The following CSMD1 variants were observed in gnomAD, a reference collection of about 807,000 sequenced individuals.
CSMD1 encodes the protein CUB and sushi domain-containing protein 1.
A neutral mutation model predicts 417.5 loss-of-function variants in CSMD1; 213 were observed. That is an observed-to-expected ratio of 0.51 (90% confidence interval 0.46 to 0.57). The LOEUF is 0.57. Ranked by LOEUF, CSMD1 falls within the 20% of genes least tolerant of loss-of-function variation. The pLI is 0.00. For synonymous variants in CSMD1, 2,862 were observed against 1,736.8 expected (o/e 1.65, Z -16.11); for missense variants, 6,923 against 4,529.7 (o/e 1.53, Z -15.17).
At chr8:4,753,442 CACACAT>C (rs758706285) in intron 1 of CSMD1, among the ~76,000 whole-genome samples, 12 of 146,006 alleles carry the variant, frequency 8.2e-5, no homozygotes, top group South Asian at 2.2e-4. Context: ...CACACACACA[CACACAT>C]GCGCACACAC....
intron 3 of CSMD1, among the ~76,000 whole-genome samples, chr8:4,345,878 G>A (rs1307612741): frequency 6.6e-6 from 1 of 152,140 alleles, no homozygotes; most frequent in Non-Finnish European, 1.5e-5. Context: ...CTGACAGGCA[G>A]ACAGGTGATG....
At chr8:3,537,476 G>C (rs181227829) in intron 10 of CSMD1, among the ~76,000 whole-genome samples, 1 of 152,300 alleles carries the variant, frequency 6.6e-6, no homozygotes, top group East Asian at 1.9e-4. Flanking sequence ...AATATGTAAA[G>C]TGATTTCCTC....
At chr8:4,057,348 T>C (rs1269139170) in intron 3 of CSMD1, among the ~76,000 whole-genome samples, 4 of 152,142 alleles carry the variant, frequency 2.6e-5, no homozygotes, top group African/African-American at 7.2e-5. Flanking sequence ...GAAGTGTCTG[T>C]TCATGTCCTT....
chr8:3,417,487 G>A (rs1405871319), intron 12 of CSMD1, among the ~76,000 whole-genome samples: 1 of 152,088 alleles, frequency 6.6e-6, no homozygotes, highest in Non-Finnish European at 1.5e-5. Flanking sequence ...TTTTTCTCAT[G>A]TGCTATTTGA....
At chr8:4,182,138 A>T (rs973328838) in intron 3 of CSMD1, among the ~76,000 whole-genome samples, 16 of 152,116 alleles carry the variant, frequency 1.1e-4, no homozygotes, top group African/African-American at 3.9e-4. Flanking sequence ...AGAAGACAGA[A>T]CTAAAAAAAC....
At chr8:4,387,872 C>G (rs990856111) in intron 3 of CSMD1, among the ~76,000 whole-genome samples, 2 of 152,046 alleles carry the variant, frequency 1.3e-5, no homozygotes, top group African/African-American at 4.8e-5. Flanking sequence ...TCTTTAATGT[C>G]CTTATTCCAA....
In CSMD1 at chr8:3,524,942, G is replaced by A. The variant is rs181860680; in HGVS notation, c.1345-31216C>T. On this transcript the variant is annotated intron_variant, in intron 10 of 69. Coordinates refer to ENST00000635120, the MANE Select transcript of CSMD1 (RefSeq NM_033225.6). Reference sequence around the variant, plus strand: ...GTATCATGAAATGTAAAAAAAAAATGTTTCTAAAAAGCACACTGTACACTC... The same window carrying A: ...GTATCATGAAATGTAAAAAAAAAATATTTCTAAAAAGCACACTGTACACTC... Among the ~76,000 whole-genome samples the A allele has an allele frequency of 2.3e-3, 340 of 150,826 alleles. 2 individuals carry two copies. The highest frequency in any genetic ancestry group is 8.2e-3 in the African/African-American group (332 of 40,278).
intron 3 of CSMD1, among the ~76,000 whole-genome samples, chr8:4,193,774 C>T (rs897184398): frequency 2.6e-5 from 4 of 152,110 alleles, no homozygotes; most frequent in African/African-American, 7.2e-5. Flanking sequence ...GTTATGGAAT[C>T]GGACAGGGAT....
chr8:3,124,853 C>T (rs1301103474), intron 41 of CSMD1, among the ~76,000 whole-genome samples: 2 of 152,196 alleles, frequency 1.3e-5, no homozygotes, highest in Admixed American at 6.5e-5. Context: ...ACCCATGGCT[C>T]ATTTCAGAAT....
intron 1 of CSMD1, among the ~76,000 whole-genome samples, chr8:4,887,429 G>C (rs1189785542): frequency 6.6e-6 from 1 of 151,862 alleles, no homozygotes; most frequent in African/African-American, 2.4e-5. Context: ...TGAGAACCGA[G>C]GTATATTAGA....
intron 3 of CSMD1, among the ~76,000 whole-genome samples, chr8:4,091,082 C>A (rs572654259): frequency 6.6e-6 from 1 of 151,980 alleles, no homozygotes; most frequent in African/African-American, 2.4e-5. Context: ...CAATGCCCAG[C>A]TAATTTTTGT....
intron 2 of CSMD1, among the ~76,000 whole-genome samples, chr8:4,505,639 A>G (rs1230621098): frequency 6.6e-6 from 1 of 152,110 alleles, no homozygotes; most frequent in Non-Finnish European, 1.5e-5. Flanking sequence ...TAACATGACC[A>G]AAACTTGCAG....
chr8:4,678,720 G>T (rs1318731428), intron 1 of CSMD1, among the ~76,000 whole-genome samples: 2 of 152,124 alleles, frequency 1.3e-5, no homozygotes, highest in African/African-American at 4.8e-5. Context: ...GGACCCTGTT[G>T]TTAAACACAT....
intron 4 of CSMD1, among the ~76,000 whole-genome samples, chr8:4,001,443 T>G (rs1048021034): frequency 2.0e-5 from 3 of 152,150 alleles, no homozygotes; most frequent in African/African-American, 7.2e-5. Flanking sequence ...GTAGTGGATA[T>G]GAGTTAACTG....
intron 2 of CSMD1, among the ~76,000 whole-genome samples, chr8:4,572,499 C>T (rs566056559): frequency 2.2e-4 from 33 of 152,314 alleles, no homozygotes; most frequent in Admixed American, 5.2e-4. Flanking sequence ...GTTAGTCTGA[C>T]GGGCTTGCCT....
intron 23 of CSMD1, among the ~76,000 whole-genome samples, chr8:3,318,456 T>C (rs1445689039): frequency 6.6e-6 from 1 of 152,188 alleles, no homozygotes; most frequent in Admixed American, 6.5e-5. Flanking sequence ...CTGACCTCAG[T>C]CCTTGCTCAC....
intron 2 of CSMD1, among the ~76,000 whole-genome samples, chr8:4,617,023 T>A (rs1422708062): frequency 6.6e-6 from 1 of 152,104 alleles, no homozygotes; most frequent in East Asian, 1.9e-4. Context: ...AACATGTTTC[T>A]AAAATTTTAT....
chr8:4,074,761 C>A (rs1213069914), intron 3 of CSMD1, among the ~76,000 whole-genome samples: 1 of 151,648 alleles, frequency 6.6e-6, no homozygotes, highest in Non-Finnish European at 1.5e-5. Context: ...AAAAAAAAAA[C>A]ATTGCTTGCA....
chr8:4,369,417 A>G (rs1802274906), intron 3 of CSMD1, among the ~76,000 whole-genome samples: 1 of 152,182 alleles, frequency 6.6e-6, no homozygotes, highest in Non-Finnish European at 1.5e-5. Flanking sequence ...AGTATATTCT[A>G]TCACTGTTGG....
Sources: gnomAD v4.1 joint callset for allele counts (sites outside exome capture counted in the v4.1 genomes callset) on GRCh38, gnomAD v4.1.1 for gene constraint, MANE v1.5 for transcripts, NCBI Gene and HGNC (gene_info 2026-07-23, HGNC 2026-07-21) for gene names.